Variants in GSG1L observed in about 807,000 individuals in gnomAD.
GSG1L encodes germ cell-specific gene 1-like protein.
GSG1L carries 24 observed loss-of-function variants against 42.1 expected under a neutral mutation model. The ratio of observed to expected loss-of-function variants is 0.57; its 90% CI spans 0.41 to 0.80. GSG1L has a LOEUF of 0.80. Ranked by LOEUF, GSG1L falls within the 30% of genes least tolerant of loss-of-function variation. The pLI, the probability that GSG1L is intolerant of heterozygous loss-of-function variation, is 0.00. For synonymous variants in GSG1L, 215 were observed against 203.5 expected (o/e 1.06, Z -0.48); for missense variants, 445 against 472.2 (o/e 0.94, Z 0.53).
At chr16:27,886,397 A>G (rs2084030317) in intron 2 of GSG1L, among the ~76,000 whole-genome samples, 1 of 152,178 alleles carries the variant, frequency 6.6e-6, no homozygotes, top group African/African-American at 2.4e-5. Context: ...CCGAGATAGC[A>G]CCACTGCACT....
At chr16:28,050,786 G>T (rs987279986) in intron 1 of GSG1L, among the ~76,000 whole-genome samples, 12 of 152,038 alleles carry the variant, frequency 7.9e-5, no homozygotes, top group Admixed American at 6.6e-5. Flanking sequence ...GAGTTCCAGG[G>T]GTCATTTCTG....
rs3047681 is a variant in GSG1L, at chr16:27,803,766, CATATATATATATATAT to C, written c.898+3705_898+3720del. Among the ~76,000 whole-genome samples, 239 of 117,906 alleles carry C rather than the reference CATATATATATATATAT, an allele frequency of 2.0e-3. 5 individuals carry two copies. The highest frequency in any genetic ancestry group is 7.2e-3 in the African/African-American group (226 of 31,366). 77.4% of individuals were successfully genotyped at this position (117,906 alleles called of 152,430 possible). On this transcript the variant is annotated intron_variant, in intron 6 of 6. Coordinates refer to ENST00000447459, the MANE Select transcript of GSG1L (RefSeq NM_001109763.2). ...TCTGATCCTTTTCCCACAGTGCAGA[CATATATATATATATAT>C]ATATATATATATAGATAGATAGATA...
At chr16:27,984,001 C>G (rs8051414) in intron 1 of GSG1L, among the ~76,000 whole-genome samples, 36,683 of 152,086 alleles carry the variant, frequency 0.24, 4,822 homozygotes, top group South Asian at 0.38. Context: ...TAGATAACCC[C>G]TTGTCAAGAT....
intron 2 of GSG1L, among the ~76,000 whole-genome samples, chr16:27,917,783 A>G (rs2084475801): frequency 6.6e-6 from 1 of 152,210 alleles, no homozygotes; most frequent in South Asian, 2.1e-4. Context: ...ACAGAAGAAT[A>G]ATTCATCAGC....
intron 2 of GSG1L, among the ~76,000 whole-genome samples, chr16:27,947,595 A>T (rs1046106283): frequency 1.3e-5 from 1 of 78,900 alleles, no homozygotes; most frequent in Non-Finnish European, 2.4e-5. Context: ...GAAAGAAAGA[A>T]AGAAAAAGAA....
chr16:27,959,681 C>A (rs570136181), intron 2 of GSG1L, among the ~76,000 whole-genome samples: 1 of 152,172 alleles, frequency 6.6e-6, no homozygotes, highest in Admixed American at 6.6e-5. Context: ...TACTCGGAGC[C>A]TAAGGCAGAA....
At chr16:27,807,851 A>T (rs2082985066) in intron 5 of GSG1L, among the ~76,000 whole-genome samples, 1 of 152,212 alleles carries the variant, frequency 6.6e-6, no homozygotes, top group South Asian at 2.1e-4. Flanking sequence ...TGTCAAAAAG[A>T]GGAAAATAAA....
At chr16:27,920,017 TC>T (rs2084506215) in intron 2 of GSG1L, among the ~76,000 whole-genome samples, 1 of 152,212 alleles carries the variant, frequency 6.6e-6, no homozygotes, top group Admixed American at 6.5e-5. Flanking sequence ...GAATCTTGAC[TC>T]GGGGGAAGGG....
intron 6 of GSG1L, among the ~76,000 whole-genome samples, chr16:27,803,136 T>C (rs2082902158): frequency 6.6e-6 from 1 of 151,902 alleles, no homozygotes; most frequent in African/African-American, 2.4e-5. Flanking sequence ...ATTCTGTGCA[T>C]ATCCTAGGTC....
chr16:27,888,744 A>G (rs1361748104), intron 2 of GSG1L, among the ~76,000 whole-genome samples: 1 of 151,418 alleles, frequency 6.6e-6, no homozygotes, highest in Non-Finnish European at 1.5e-5. Context: ...CAGCCTCCCG[A>G]GTAGCTGGGA....
chr16:27,846,012 C>A (rs999692065), intron 3 of GSG1L, among the ~76,000 whole-genome samples: 5 of 151,998 alleles, frequency 3.3e-5, no homozygotes, highest in Non-Finnish European at 5.9e-5. Context: ...AGTTGATCCT[C>A]CCACCTCAGC....
chr16:27,986,921 T>C (rs1168011412), intron 1 of GSG1L, among the ~76,000 whole-genome samples: 1 of 152,220 alleles, frequency 6.6e-6, no homozygotes, highest in Non-Finnish European at 1.5e-5. Context: ...CCATCTAAAA[T>C]GAAATTGGTC....
At chr16:27,946,607 G>A (rs1312831856) in intron 2 of GSG1L, among the ~76,000 whole-genome samples, 11 of 5,478 alleles carry the variant, frequency 2.0e-3, no homozygotes, top group African/African-American at 6.7e-3. Context: ...GAGAGAGAGA[G>A]AGAGAGAGAG....
intron 4 of GSG1L, among the ~76,000 whole-genome samples, chr16:27,840,038 T>C (rs1426394539): frequency 6.6e-6 from 1 of 150,816 alleles, no homozygotes; most frequent in Non-Finnish European, 1.5e-5. Flanking sequence ...TAATCTTTTT[T>C]TTTTTTTTTT....
At chr16:27,824,857 G>C (rs1269078487) in intron 5 of GSG1L, among the ~76,000 whole-genome samples, 2 of 152,212 alleles carry the variant, frequency 1.3e-5, no homozygotes, top group Non-Finnish European at 2.9e-5. Flanking sequence ...TCCGTAGCAG[G>C]GGTGGCAACT....
intron 1 of GSG1L, among the ~76,000 whole-genome samples, chr16:27,970,530 C>T (rs774891171): frequency 6.6e-6 from 1 of 151,568 alleles, no homozygotes; most frequent in Non-Finnish European, 1.5e-5. Context: ...CAAGACCACG[C>T]CATTGCACTC....
chr16:27,963,381 C>A (rs1263108206), intron 1 of GSG1L, among the ~76,000 whole-genome samples, 178 bp from the exon 2 acceptor site: 1 of 152,082 alleles, frequency 6.6e-6, no homozygotes, highest in East Asian at 1.9e-4. Context: ...GATGGCGAAA[C>A]TGCCAATTCT....
chr16:27,870,855 G>A (rs12920776), intron 3 of GSG1L, among the ~76,000 whole-genome samples: 21,609 of 151,096 alleles, frequency 0.14, 2,097 homozygotes, highest in Admixed American at 0.24. Context: ...CGTTCCCTCT[G>A]CCACCATCTC....
intron 5 of GSG1L, among the ~76,000 whole-genome samples, chr16:27,812,521 G>A (rs796940005): frequency 1.3e-5 from 2 of 152,214 alleles, no homozygotes; most frequent in African/African-American, 2.4e-5. Context: ...TGGTGGACGG[G>A]ATTCGGCCTG....
Sources: gnomAD v4.1 joint callset for allele counts (sites outside exome capture counted in the v4.1 genomes callset) on GRCh38, gnomAD v4.1.1 for gene constraint, MANE v1.5 for transcripts, NCBI Gene and HGNC (gene_info 2026-07-23, HGNC 2026-07-21) for gene names.